The following PHACTR1 variants were observed in gnomAD, a reference collection of about 807,000 sequenced individuals.
PHACTR1 encodes the protein phosphatase and actin regulator 1.
In PHACTR1, 16 loss-of-function variants were observed where a neutral mutation model predicts 69.2. The ratio of observed to expected loss-of-function variants is 0.23; its 90% CI spans 0.16 to 0.35. PHACTR1 has a LOEUF of 0.35. PHACTR1 is among the 10% of genes least tolerant of loss of function. PHACTR1 has a pLI of 1.00. For synonymous variants in PHACTR1, 312 were observed against 284.5 expected (o/e 1.10, Z -0.97); for missense variants, 510 against 734.7 (o/e 0.69, Z 3.54).
chr6:12,983,533 T>G (rs1333344836), intron 4 of PHACTR1, among the ~76,000 whole-genome samples: 3 of 152,016 alleles, frequency 2.0e-5, no homozygotes, highest in African/African-American at 7.2e-5. Context: ...TATTTATTAT[T>G]TATTTATTTA....
At chr6:12,761,985 T>A (rs758496520) in intron 4 of PHACTR1, among the ~76,000 whole-genome samples, 3 of 152,164 alleles carry the variant, frequency 2.0e-5, no homozygotes, top group Non-Finnish European at 4.4e-5. Flanking sequence ...TCCAGCAACA[T>A]CCTTGCTCTA....
At chr6:13,036,811 A>G (rs1394389926) in intron 4 of PHACTR1, among the ~76,000 whole-genome samples, 1 of 152,220 alleles carries the variant, frequency 6.6e-6, no homozygotes, top group African/African-American at 2.4e-5. Context: ...TCTTAACTAC[A>G]GTGGTTTGTC....
At chr6:12,754,997 G>T (rs1258986470) in intron 4 of PHACTR1, among the ~76,000 whole-genome samples, 1 of 152,104 alleles carries the variant, frequency 6.6e-6, no homozygotes, top group Non-Finnish European at 1.5e-5. Flanking sequence ...GTTACCAAGG[G>T]GTGGCTGTAA....
chr6:13,083,160 T>TA (rs1306839241), intron 5 of PHACTR1, among the ~76,000 whole-genome samples: 1 of 152,240 alleles, frequency 6.6e-6, no homozygotes, highest in Non-Finnish European at 1.5e-5. Flanking sequence ...GCTTTCTACA[T>TA]ATGACTAGCC....
At chr6:13,008,832 T>C (rs1582942063) in intron 4 of PHACTR1, among the ~76,000 whole-genome samples, 1 of 152,368 alleles carries the variant, frequency 6.6e-6, no homozygotes, top group East Asian at 1.9e-4. Flanking sequence ...AATAAGAATA[T>C]CACATATTGT....
chr6:12,797,021 G>GTC (rs1240410115), intron 4 of PHACTR1, among the ~76,000 whole-genome samples: 6 of 113,052 alleles, frequency 5.3e-5, no homozygotes, highest in Non-Finnish European at 1.2e-4. Flanking sequence ...GTGTGTGTGT[G>GTC]TGTGTGTGTG....
chr6:12,926,661 C>T (rs900522023), intron 4 of PHACTR1, among the ~76,000 whole-genome samples: 1 of 152,216 alleles, frequency 6.6e-6, no homozygotes, highest in African/African-American at 2.4e-5. Flanking sequence ...GCATTTCTGG[C>T]TTTGGCAGCT....
chr6:13,182,452 G>T, intron 6 of PHACTR1, 67 bp from the exon 7 acceptor site: 1 of 1,539,884 alleles, frequency 6.5e-7, no homozygotes, highest in Non-Finnish European at 9.0e-7. Context: ...TCAGCAGGCG[G>T]GAAGTGCCAC....
intron 4 of PHACTR1, among the ~76,000 whole-genome samples, chr6:12,988,282 C>G (rs149475182): frequency 1.6e-3 from 249 of 152,284 alleles, no homozygotes; most frequent in African/African-American, 5.7e-3. Context: ...TAGTCTTCAT[C>G]CAGACTGATT....
At chr6:13,253,042 G>A (rs1774701346) in intron 10 of PHACTR1, 1 of 455,140 alleles carries the variant, frequency 2.2e-6, no homozygotes, top group Middle Eastern at 3.3e-4. Context: ...CAGCTGGAAG[G>A]AAAATAGCTG....
intron 4 of PHACTR1, among the ~76,000 whole-genome samples, chr6:12,808,853 T>C (rs1039727591): frequency 4.0e-5 from 6 of 148,920 alleles, no homozygotes; most frequent in Admixed American, 2.7e-4. Flanking sequence ...TCCTCCTCCT[T>C]CTTCTTCTTT....
intron 4 of PHACTR1, among the ~76,000 whole-genome samples, chr6:12,816,072 C>T (rs775466881): frequency 1.3e-5 from 2 of 152,222 alleles, no homozygotes; most frequent in Non-Finnish European, 2.9e-5. Flanking sequence ...ACAACAGTTG[C>T]ACAATATTAC....
chr6:12,986,344 G>T (rs1796187814), intron 4 of PHACTR1, among the ~76,000 whole-genome samples: 1 of 152,156 alleles, frequency 6.6e-6, no homozygotes, highest in Admixed American at 6.5e-5. Flanking sequence ...AGCTGAAAAA[G>T]TATTGCCTAA....
intron 4 of PHACTR1, among the ~76,000 whole-genome samples, chr6:12,772,501 T>A (rs1769518492): frequency 6.6e-6 from 1 of 152,224 alleles, no homozygotes; most frequent in South Asian, 2.1e-4. Context: ...GATTTTCTTT[T>A]GCCTAGATTT....
intron 4 of PHACTR1, among the ~76,000 whole-genome samples, chr6:12,947,459 A>G (rs1790813232): frequency 6.6e-6 from 1 of 152,198 alleles, no homozygotes; most frequent in Non-Finnish European, 1.5e-5. Flanking sequence ...CATGGGAAAA[A>G]CATCTGAAAA....
intron 10 of PHACTR1, among the ~76,000 whole-genome samples, chr6:13,239,554 G>T (rs1023060514): frequency 5.3e-5 from 8 of 152,192 alleles, no homozygotes; most frequent in African/African-American, 1.7e-4. Flanking sequence ...AAGCTGTCTG[G>T]ATAAGAAGAC....
chr6:12,997,822 G>C (rs1031805055), intron 4 of PHACTR1, among the ~76,000 whole-genome samples: 1 of 151,974 alleles, frequency 6.6e-6, no homozygotes, highest in Non-Finnish European at 1.5e-5. Flanking sequence ...GCACGGTGGC[G>C]GGCGCCTGTA....
chr6:13,047,528 C>A (rs7757631), intron 4 of PHACTR1, among the ~76,000 whole-genome samples: 1,852 of 151,782 alleles, frequency 0.012, 52 homozygotes, highest in African/African-American at 0.042. Context: ...CAAGCAAAAG[C>A]GAAGGTTATC....
At chr6:13,056,558 A>G (rs1806812134) in intron 5 of PHACTR1, among the ~76,000 whole-genome samples, 1 of 147,166 alleles carries the variant, frequency 6.8e-6, no homozygotes, top group South Asian at 2.1e-4. Flanking sequence ...AGGAAAAGTT[A>G]TTCATTGACA....
Sources: allele counts gnomAD v4.1 joint callset (sites outside exome capture counted in the v4.1 genomes callset), GRCh38; gene constraint gnomAD v4.1.1; transcripts MANE v1.5; gene names NCBI Gene and HGNC (gene_info 2026-07-23, HGNC 2026-07-21).